The following RFTN1 variants were observed in gnomAD, a reference collection of about 807,000 sequenced individuals.
The protein encoded by RFTN1 is raftlin.
A neutral mutation model predicts 46.5 loss-of-function variants in RFTN1; 26 were observed. That is an observed-to-expected ratio of 0.56 (90% CI 0.41 to 0.78). RFTN1 has a LOEUF of 0.78. Among genes scored for constraint, RFTN1 ranks in the 30% least tolerant of loss-of-function variants. The pLI is 0.00. For missense variants in RFTN1, 693 were observed against 718.7 expected (o/e 0.96, Z 0.41); for synonymous variants, 261 against 284.2 (o/e 0.92, Z 0.82).
chr3:16,326,704 C>T, intron 8 of RFTN1, 69 bp downstream of exon 8: 1 of 1,155,742 alleles, frequency 8.7e-7, no homozygotes, highest in Non-Finnish European at 1.3e-6. Flanking sequence ...ACGTGAGGTG[C>T]TCATTAGGAA....
In RFTN1 at chr3:16,409,684, A is replaced by ATTTT. The variant is rs386396025; in HGVS notation, c.333-205_333-202dup. Among the ~76,000 whole-genome samples the ATTTT allele has an allele frequency of 4.1e-3, 508 of 122,492 alleles. 10 individuals are homozygous for ATTTT. Among genetic ancestry groups the ATTTT allele is most frequent in the African/African-American group, 9.7e-3 (305 of 31,312 alleles). 80.4% of individuals were successfully genotyped at this position (122,492 alleles called of 152,430 possible). A position where few individuals can be genotyped will look rare whatever the true frequency, so the allele number is the denominator to read the frequency against. On this transcript the variant is annotated intron_variant, in intron 3 of 9. Transcript: ENST00000334133. ...AGGCACCCACTACCACACCCGGCTAATTTTTTTTTTTTTTTTTTGAGACGG... is the reference window on the plus strand; with the variant it reads ...AGGCACCCACTACCACACCCGGCTAATTTTTTTTTTTTTTTTTTTTTTGAGACGG...
chr3:16,480,208 A>G lies in RFTN1; in HGVS notation c.145+13517T>C, dbSNP rs542717288. ...CAAGCTTGCCAGCTCCCTTGGGAATATATTATTATACCTATCTTGTGTCAA... is the reference window on the plus strand; with the variant it reads ...CAAGCTTGCCAGCTCCCTTGGGAATGTATTATTATACCTATCTTGTGTCAA... On this transcript the variant is annotated intron_variant, in intron 2 of 9. Coordinates refer to ENST00000334133, the MANE Select transcript of RFTN1 (RefSeq NM_015150.2). The surrounding 1 kb of genome is among the most constrained non-coding windows in gnomAD (Gnocchi z 4.3). Among the ~76,000 whole-genome samples the G allele has an allele frequency of 3.3e-5, 5 of 152,338 alleles. No homozygotes were observed. In the South Asian group the frequency reaches 1.0e-3, roughly 32 times the overall value.
rs1227344325 is a variant in RFTN1, at chr3:16,433,863, T to G, written c.320A>C (p.Lys107Thr). 1 of 1,614,220 alleles carries G rather than the reference T, an allele frequency of 6.2e-7. No individual in the cohort carries two copies. Among genetic ancestry groups the G allele is most frequent in the Non-Finnish European group, 8.5e-7 (1 of 1,180,032 alleles). The change falls in exon 3 of 10, where the codon AAG becomes ACG. Residue 107 changes from lysine (K) to threonine (T), a missense_variant. Coordinates refer to ENST00000334133, the MANE Select transcript of RFTN1 (RefSeq NM_015150.2). The surrounding 1 kb of genome is among the most constrained non-coding windows in gnomAD (Gnocchi z 4.4). ...LEHIFRAILI[K>T]KTDRSQKTDL... is the part of the protein sequence containing the mutation. The stretch of plus-strand genomic sequence containing the variant: ...GTGGAGGCCTTACCTGTCGGTTTTC[T>G]TGATCAGGATGGCTCTAAAGATGTG...
At chr3:16,423,777 T>C (rs2075240058) in intron 3 of RFTN1, among the ~76,000 whole-genome samples, 1 of 152,200 alleles carries the variant, frequency 6.6e-6, no homozygotes, top group Non-Finnish European at 1.5e-5. Flanking sequence ...TGGAGTAATT[T>C]TGGAGACTTA....
chr3:16,494,103 AT>A (rs1007669572), intron 1 of RFTN1, among the ~76,000 whole-genome samples: 1 of 152,116 alleles, frequency 6.6e-6, no homozygotes, highest in Non-Finnish European at 1.5e-5. Flanking sequence ...CCGTCCTGAG[AT>A]TTTTTTAAAT....
chr3:16,493,905 G>C, intron 1 of RFTN1, 28 bp from the exon 2 acceptor site: 1 of 1,611,802 alleles, frequency 6.2e-7, no homozygotes. Context: ...AAGGCGGGGA[G>C]GTGATTTTTT....
chr3:16,371,252 A>G (rs933881732), intron 5 of RFTN1, among the ~76,000 whole-genome samples: 10 of 152,218 alleles, frequency 6.6e-5, no homozygotes, highest in Non-Finnish European at 1.2e-4. Context: ...TGACATTAGC[A>G]AGAAGGACAA....
At chr3:16,388,529 A>G (rs1575205808) in intron 4 of RFTN1, among the ~76,000 whole-genome samples, 1 of 152,198 alleles carries the variant, frequency 6.6e-6, no homozygotes, top group South Asian at 2.1e-4. Context: ...TACTCCTATC[A>G]TCTTAACAGT....
chr3:16,459,257 G>A lies in RFTN1; in HGVS notation c.146-25220C>T, dbSNP rs1178434664. On this transcript the variant is annotated intron_variant, in intron 2 of 9. Transcript: ENST00000334133. The surrounding 1 kb of genome is among the most constrained non-coding windows in gnomAD (Gnocchi z 4.2). The stretch of plus-strand genomic sequence containing the variant: ...CTACTGTGTTTTCTGAAGGAAATTA[G>A]TTTTAACAGAACCAGAAAGGACTAA... Among the ~76,000 whole-genome samples, 1 of 152,154 alleles carries A rather than the reference G, an allele frequency of 6.6e-6. No homozygotes were observed. Among genetic ancestry groups the A allele is most frequent in the Non-Finnish European group, 1.5e-5 (1 of 68,028 alleles).
chr3:16,366,508 G>A (rs111671778), intron 6 of RFTN1, among the ~76,000 whole-genome samples: 12 of 109,214 alleles, frequency 1.1e-4, no homozygotes, highest in South Asian at 5.6e-4. Flanking sequence ...AGTCCTCCTC[G>A]TCCCACCGGG....
intron 6 of RFTN1, among the ~76,000 whole-genome samples, chr3:16,364,963 C>T (rs910326548): frequency 6.6e-6 from 1 of 152,176 alleles, no homozygotes; most frequent in Non-Finnish European, 1.5e-5. Flanking sequence ...GTGTGCTCAC[C>T]TTGTGAAAAG....
chr3:16,358,072 G>T lies in RFTN1; in HGVS notation c.1031-25C>A, dbSNP rs533876472. ...TCTGTGGAAAAAGAAAAAGGCGGGG[G>T]TGGGGGGGGTCTGTAAACCGTCTGT... On this transcript the variant is annotated intron_variant, in intron 6 of 9. Coordinates refer to ENST00000334133, the MANE Select transcript of RFTN1 (RefSeq NM_015150.2). The T allele has an allele frequency of 5.6e-5, 71 of 1,263,834 alleles. 2 individuals carry two copies. The South Asian group carries it at 7.6e-4, about 14-fold the overall frequency. The allele number at this position is 1,263,834 out of a possible 1,614,324, so 78.3% of individuals were successfully genotyped here.
rs77402592 is a variant in RFTN1, at chr3:16,407,398, G to A, written c.441+1977C>T. Among the ~76,000 whole-genome samples, 113 of 150,766 alleles carry A rather than the reference G, an allele frequency of 7.5e-4. No homozygotes were observed. Among genetic ancestry groups the A allele is most frequent in the African/African-American group, 2.7e-3 (112 of 40,996 alleles). On this transcript the variant is annotated intron_variant, in intron 4 of 9. Coordinates refer to ENST00000334133, the MANE Select transcript of RFTN1 (RefSeq NM_015150.2). The surrounding 1 kb of genome is among the most constrained non-coding windows in gnomAD (Gnocchi z 4.0). ...GCAGAGATGGAGGTCTCACTATGTT[G>A]CCCAGTCTAATCTCAAACTCCTGAG...
chr3:16,423,154 C>T (rs1471112462), intron 3 of RFTN1, among the ~76,000 whole-genome samples: 3 of 149,272 alleles, frequency 2.0e-5, no homozygotes, highest in Non-Finnish European at 4.4e-5. Context: ...GGTGACAGAG[C>T]GAGACTCTGT....
intron 1 of RFTN1, among the ~76,000 whole-genome samples, chr3:16,496,038 T>A (rs1242376799): frequency 6.6e-6 from 1 of 152,250 alleles, no homozygotes; most frequent in African/African-American, 2.4e-5. Context: ...ATGTGGGCTA[T>A]ATTAAGATTT....
rs74803179 is a variant in RFTN1 at position 16,413,015 on chromosome 3, G to A, written c.333-3532C>T. ...ATAAAATTCTGAAGCAAAGAACCCTGATAAACTACAGAAACCATATGATAA... is the reference window on the plus strand; with the variant it reads ...ATAAAATTCTGAAGCAAAGAACCCTAATAAACTACAGAAACCATATGATAA... On this transcript the variant is annotated intron_variant, in intron 3 of 9. Transcript: ENST00000334133. The surrounding 1 kb of genome is among the most constrained non-coding windows in gnomAD (Gnocchi z 4.7). Among the ~76,000 whole-genome samples, 154 of 152,318 alleles carry A rather than the reference G, an allele frequency of 1.0e-3. No homozygotes were observed. The highest frequency in any genetic ancestry group is 3.7e-3 in the African/African-American group (154 of 41,556).
rs1402972359 is a variant in RFTN1 at position 16,453,442 on chromosome 3, C to T, written c.146-19405G>A. 3.3e-5 allele frequency among the ~76,000 whole-genome samples: 5 copies of T among 152,194 alleles called. No individual in the cohort carries two copies. In the South Asian group the frequency reaches 1.0e-3, roughly 31 times the overall value. The stretch of plus-strand genomic sequence containing the variant: ...GTAGCAAGATCAGAACAAAATGACT[C>T]TTAAAAACCAACAAACGACACCTCC... On this transcript the variant is annotated intron_variant, in intron 2 of 9. Coordinates refer to ENST00000334133, the MANE Select transcript of RFTN1 (RefSeq NM_015150.2).
At position 16,493,791 on chromosome 3, in the gene RFTN1, G is replaced by T. The variant is rs199593847; in HGVS notation, c.79C>A (p.Gln27Lys). 2.0e-5 allele frequency: 32 copies of T among 1,613,806 alleles called. No individual in the cohort carries two copies. Among genetic ancestry groups the T allele is most frequent in the Non-Finnish European group, 2.4e-5 (28 of 1,180,030 alleles). Residue 27 changes from glutamine to lysine, a missense_variant, in exon 2 of 10, where the codon CAG becomes AAG. Gln to Lys is a moderately conservative substitution (Grantham distance 53). Transcript: ENST00000334133. ...GNIYSTLKRP[Q>K]VETKIDVSYE... Reference sequence around the variant, plus strand: ...GACACATCTATCTTGGTTTCCACCTGAGGCCTCTTCAAAGTTGAATAAATA... The same window carrying T: ...GACACATCTATCTTGGTTTCCACCTTAGGCCTCTTCAAAGTTGAATAAATA...
rs781158694 is a variant in RFTN1, at chr3:16,500,953, G to A, written c.-8-7076C>T. ...TGTTCGGGAAGTCTGGACAGAATGC[G>A]GGAGCATTCGGAACAAATCGCTGTT... On this transcript the variant is annotated intron_variant, in intron 1 of 9. Coordinates refer to ENST00000334133, the MANE Select transcript of RFTN1 (RefSeq NM_015150.2). This position sits in a 1 kb window ranked among gnomAD's most constrained non-coding sequence, Gnocchi z 5.9. 6.6e-5 allele frequency among the ~76,000 whole-genome samples: 10 copies of A among 152,196 alleles called. No homozygotes were observed. Among genetic ancestry groups the A allele is most frequent in the East Asian group, 1.9e-4 (1 of 5,206 alleles).
Sources: allele counts gnomAD v4.1 joint callset (sites outside exome capture counted in the v4.1 genomes callset), GRCh38; gene constraint gnomAD v4.1.1; non-coding constraint Gnocchi (gnomAD v3.1); transcripts MANE v1.5; gene names NCBI Gene and HGNC (gene_info 2026-07-23, HGNC 2026-07-21).